Variants in NDRG4 observed in about 807,000 individuals in gnomAD.
The protein encoded by NDRG4 is protein NDRG4.
NDRG4 carries 38 observed loss-of-function variants against 55.8 expected under a neutral mutation model. The observed-to-expected ratio is 0.68, with a 90% CI of 0.53 to 0.89. The LOEUF (loss-of-function observed/expected upper bound fraction) is 0.89. Among genes scored for constraint, NDRG4 ranks in the 40% least tolerant of loss-of-function variants. NDRG4 has a pLI of 0.00. For synonymous variants in NDRG4, 190 were observed against 182.7 expected, an observed-to-expected ratio of 1.04 and a Z score of -0.32; for missense variants, 455 against 468.6, an observed-to-expected ratio of 0.97 and a Z score of 0.27.
Position 58,503,847 on chromosome 16 carries a change from G to T in NDRG4, c.71G>T (p.Gly24Val). Residue 24 changes from glycine to valine, a missense_variant, in exon 2 of 15, where the codon GGC becomes GTC. Coordinates refer to ENST00000570248, the MANE Select transcript of NDRG4 (RefSeq NM_001242835.2). The part of the protein sequence containing the change: ...PYGLLHVVIR[G>V]SPKGNRPAIL... Reference sequence around the variant, plus strand: ...GGCCTTCTGCATGTAGTGATCCGGGGCTCCCCCAAGGGGAACCGCCCAGCC... The same window carrying T: ...GGCCTTCTGCATGTAGTGATCCGGGTCTCCCCCAAGGGGAACCGCCCAGCC... The T allele has an allele frequency of 1.2e-6, 2 of 1,613,924 alleles. No individual in the cohort carries two copies. The highest frequency in any genetic ancestry group is 1.7e-6 in the Non-Finnish European group (2 of 1,179,988).
intron 1 of NDRG4, among the ~76,000 whole-genome samples, chr16:58,465,735 C>CA (rs1424486127): frequency 1.3e-5 from 2 of 151,910 alleles, no homozygotes; most frequent in African/African-American, 4.8e-5. Flanking sequence ...CCCATCTTTA[C>CA]AAAAAAATAA....
At chr16:58,478,113 G>A (rs117630153) in intron 1 of NDRG4, among the ~76,000 whole-genome samples, 3,875 of 152,268 alleles carry the variant, frequency 0.025, 66 homozygotes, top group Non-Finnish European at 0.04. Context: ...AAGGTTGGCC[G>A]GGTGTGGTGG....
intron 1 of NDRG4, among the ~76,000 whole-genome samples, chr16:58,503,351 G>T (rs548831083): frequency 6.6e-6 from 1 of 152,202 alleles, no homozygotes; most frequent in Admixed American, 6.5e-5. Context: ...TGGCTGGCAC[G>T]GGGTGTTTTC....
intron 1 of NDRG4, among the ~76,000 whole-genome samples, chr16:58,476,894 C>CA (rs1200251079): frequency 1.3e-5 from 2 of 151,794 alleles, no homozygotes; most frequent in African/African-American, 4.8e-5. Flanking sequence ...TCAGTAAGTA[C>CA]AAAAAAACCC....
intron 2 of NDRG4, among the ~76,000 whole-genome samples, chr16:58,494,023 G>C (rs759187319): frequency 6.6e-6 from 1 of 152,204 alleles, no homozygotes; most frequent in Non-Finnish European, 1.5e-5. Context: ...CCAGCCATCT[G>C]TGCAGCCTCG....
intron 1 of NDRG4, among the ~76,000 whole-genome samples, chr16:58,485,049 T>C (rs1389377794): frequency 6.6e-6 from 1 of 151,816 alleles, no homozygotes; most frequent in Non-Finnish European, 1.5e-5. Context: ...GCCCAGCTAA[T>C]TTTTTTGTAT....
chr16:58,464,067 G>A lies in NDRG4; in HGVS notation c.-24+270G>A, dbSNP rs887888215. The stretch of plus-strand genomic sequence containing the variant: ...CAGCCGCCGTCCGCGACCCCCCACC[G>A]CGACGCCCGGAGGCGGCGGGGTCTC... On this transcript the variant is annotated intron_variant, in intron 1 of 15. Coordinates refer to the NDRG4 transcript ENST00000258187. The surrounding 1 kb of genome is among the most constrained non-coding windows in gnomAD (Gnocchi z 4.8). 3 of 217,054 alleles carry A rather than the reference G, an allele frequency of 1.4e-5. No individual in the cohort carries two copies. In the Admixed American group the frequency reaches 1.8e-4, roughly 13 times the overall value. 13.4% of individuals were successfully genotyped at this position (217,054 alleles called of 1,614,324 possible). A position where few individuals can be genotyped will look rare whatever the true frequency, so the allele number is the denominator to read the frequency against.
chr16:58,475,206 T>A (rs1455401935), intron 1 of NDRG4, among the ~76,000 whole-genome samples: 1 of 152,232 alleles, frequency 6.6e-6, no homozygotes, highest in Non-Finnish European at 1.5e-5. Flanking sequence ...CACAGCTGAA[T>A]TGAGTGAGGC....
chr16:58,501,303 C>T (rs1303330316), intron 1 of NDRG4: 3 of 382,462 alleles, frequency 7.8e-6, no homozygotes, highest in Admixed American at 4.5e-5. Flanking sequence ...CCCACACCGG[C>T]GCAAAGCCCG....
chr16:58,473,136 C>T (rs1262916946), intron 1 of NDRG4, among the ~76,000 whole-genome samples: 3 of 152,096 alleles, frequency 2.0e-5, no homozygotes, highest in Non-Finnish European at 4.4e-5. Context: ...TGTTCCTTCT[C>T]CTCCTTCCTC....
At chr16:58,487,985 G>A (rs1244934964) in intron 2 of NDRG4, 2 of 616,294 alleles carry the variant, frequency 3.2e-6, no homozygotes, top group Non-Finnish European at 5.0e-6. Flanking sequence ...CCTGCCTGTG[G>A]GGGGAGTTCC....
At chr16:58,508,077 A>G in intron 10 of NDRG4, 78 bp downstream of exon 10, 1 of 1,368,392 alleles carries the variant, frequency 7.3e-7, no homozygotes, top group Non-Finnish European at 9.9e-7. Flanking sequence ...AGCAGGGACA[A>G]TTCTTGATCC....
intron 5 of NDRG4, chr16:58,506,001 C>T (rs1236749672): frequency 8.7e-6 from 3 of 342,946 alleles, no homozygotes; most frequent in African/African-American, 6.7e-5. Flanking sequence ...GGATTACAGG[C>T]GTGAGCCACG....
At chr16:58,496,625 A>G (rs980891329), upstream of NDRG4, among the ~76,000 whole-genome samples, 1 of 152,066 alleles carries the variant, frequency 6.6e-6, no homozygotes, top group Non-Finnish European at 1.5e-5. Context: ...ACTTCCAAGC[A>G]TGTGACCTCC....
In NDRG4 at chr16:58,500,303, C is replaced by T. The variant is rs746355266; in HGVS notation, c.21+34C>T. ...GGGCGCTGCGGGCATCAAGGTGGGC[C>T]GGGAGGATGGTGCATCCTTATGACC... On this transcript the variant is annotated intron_variant, in intron 1 of 14. Coordinates refer to ENST00000570248, the MANE Select transcript of NDRG4 (RefSeq NM_001242835.2). The T allele has an allele frequency of 1.0e-5, 16 of 1,534,186 alleles. 1 individual carries two copies. The highest frequency in any genetic ancestry group is 6.0e-5 in the South Asian group (5 of 83,834).
chr16:58,465,248 C>CCCCAGGTGTCGGAG, intron 1 of NDRG4: 2 of 572,792 alleles, frequency 3.5e-6, no homozygotes, highest in Non-Finnish European at 6.0e-6. Context: ...AAGTGTCCTC[C>CCCCAGGTGTCGGAG]GACACCTGGG....
chr16:58,514,251 G>T (rs372081322), downstream of NDRG4, among the ~76,000 whole-genome samples: 32 of 152,210 alleles, frequency 2.1e-4, no homozygotes, highest in African/African-American at 7.5e-4. Context: ...AGCCTCACAA[G>T]ATTACTCCTG....
At chr16:58,493,050 C>T (rs1469630486) in intron 2 of NDRG4, among the ~76,000 whole-genome samples, 1 of 152,218 alleles carries the variant, frequency 6.6e-6, no homozygotes, top group Non-Finnish European at 1.5e-5. Context: ...CTAGTGCCCT[C>T]TGATTTTTCT....
In NDRG4 at chr16:58,464,292, TG is replaced by T; in HGVS notation, c.-24+497del. On this transcript the variant is annotated intron_variant, in intron 1 of 15. Coordinates refer to the NDRG4 transcript ENST00000258187. The surrounding 1 kb of genome is among the most constrained non-coding windows in gnomAD (Gnocchi z 4.8). ...GGCGTTGGGGGCGGGAGAGCGCTCC[TG>T]GCTGTGAGCTGCTCCTGCCGCTTCG... 1.6e-6 allele frequency: 1 copy of T among 640,212 alleles called. No homozygotes were observed. Among genetic ancestry groups the T allele is most frequent in the Non-Finnish European group, 2.3e-6 (1 of 436,220 alleles). 39.7% of individuals were successfully genotyped at this position (640,212 alleles called of 1,614,324 possible). A position where few individuals can be genotyped will look rare whatever the true frequency, so the allele number is the denominator to read the frequency against.
Sources: allele counts gnomAD v4.1 joint callset (sites outside exome capture counted in the v4.1 genomes callset), GRCh38; gene constraint gnomAD v4.1.1; non-coding constraint Gnocchi (gnomAD v3.1); transcripts MANE v1.5; gene names NCBI Gene and HGNC (gene_info 2026-07-23, HGNC 2026-07-21).